SIPA1L3: variants seen among roughly 807,000 people sequenced by gnomAD.
The protein encoded by SIPA1L3 is signal induced proliferation associated 1 like 3.
In SIPA1L3, 59 loss-of-function variants were observed where a neutral mutation model predicts 150.1. The observed-to-expected ratio is 0.39, with a 90% confidence interval of 0.32 to 0.49. The LOEUF is 0.49. Among genes scored for constraint, SIPA1L3 ranks in the 20% least tolerant of loss-of-function variants. The pLI, the probability that SIPA1L3 is intolerant of heterozygous loss-of-function variation, is 0.86. For missense variants in SIPA1L3, 2,211 were observed against 2,489.5 expected, an observed-to-expected ratio of 0.89 and a Z score of 2.38; for synonymous variants, 1,070 against 1,077.6, an observed-to-expected ratio of 0.99 and a Z score of 0.14.
In SIPA1L3 at chr19:38,082,394, A is replaced by G. The variant is rs200141139; in HGVS notation, c.829A>G (p.Thr277Ala). The G allele has an allele frequency of 3.4e-5, 55 of 1,598,952 alleles. No individual in the cohort carries two copies. The highest frequency in any genetic ancestry group is 4.6e-5 in the Non-Finnish European group (54 of 1,177,870). ...AKDSLLPLQP[T>A]KEKEKARKKP... ...GGACAGCCTCCTGCCACTGCAGCCC[A>G]CGAAGGAGAAGGAGAAGGCCCGGAA... is the stretch of plus-strand genomic sequence containing the variant. Residue 277 changes from threonine (T) to alanine (A), a missense_variant, in exon 3 of 22, where the codon ACG becomes GCG. By Grantham distance (58) the Thr-to-Ala change is moderately conservative (BLOSUM62 0). Transcript: ENST00000222345.
chr19:38,098,618 C>T (rs1269056234), intron 4 of SIPA1L3, among the ~76,000 whole-genome samples: 1 of 152,144 alleles, frequency 6.6e-6, no homozygotes, highest in Non-Finnish European at 1.5e-5. Flanking sequence ...TGGTCTCAAA[C>T]TCCTGACCTC....
intron 1 of SIPA1L3, among the ~76,000 whole-genome samples, chr19:37,991,581 C>A (rs1183538848): frequency 6.6e-6 from 1 of 152,244 alleles, no homozygotes; most frequent in Non-Finnish European, 1.5e-5. Context: ...TTATGTACCC[C>A]ACCTGCATGT....
chr19:38,188,757 C>G (rs1336076800), intron 16 of SIPA1L3, among the ~76,000 whole-genome samples: 4 of 151,656 alleles, frequency 2.6e-5, no homozygotes, highest in Non-Finnish European at 5.9e-5. Context: ...CCCGTCTCTA[C>G]TAAAAATTAA....
chr19:37,990,580 G>T (rs1967478728), intron 1 of SIPA1L3, among the ~76,000 whole-genome samples: 1 of 152,216 alleles, frequency 6.6e-6, no homozygotes, highest in South Asian at 2.1e-4. Flanking sequence ...TACAGCTCTT[G>T]CTCAGCTAGT....
intron 18 of SIPA1L3, among the ~76,000 whole-genome samples, chr19:38,195,932 G>T (rs554131756): frequency 2.2e-3 from 331 of 152,134 alleles, no homozygotes; most frequent in Non-Finnish European, 3.9e-3. Context: ...CAAAGACGGG[G>T]CCTGGGGTTT....
Position 38,152,840 on chromosome 19 carries a change from G to T in SIPA1L3, c.3534G>T (p.Arg1178Ser), listed in dbSNP as rs1971857427. ...GGCACGTTCTTCTCATCCCCTGCAG[G>T]TACACGGCTGCCCCACACCCCCTGC... ...TYVRYKPSPE[R>S]YTAAPHPLLS... The change falls in exon 13 of 22, where the codon AGG (arginine) becomes AGT (serine). Residue 1178 changes from arginine (R) to serine (S), a missense_variant and splice_region_variant. By Grantham distance (110) the Arg-to-Ser change is moderately radical (BLOSUM62 -1). Coordinates refer to ENST00000222345, the MANE Select transcript of SIPA1L3 (RefSeq NM_015073.3). 1.2e-6 allele frequency: 2 copies of T among 1,608,702 alleles called. No individual in the cohort carries two copies. Among genetic ancestry groups the T allele is most frequent in the South Asian group, 1.1e-5 (1 of 89,960 alleles).
intron 1 of SIPA1L3, among the ~76,000 whole-genome samples, chr19:37,916,355 C>T (rs1348466015): frequency 1.3e-5 from 2 of 151,828 alleles, no homozygotes; most frequent in African/African-American, 2.4e-5. Flanking sequence ...TTTAAATTAG[C>T]CAGGCTTGGT....
At position 38,082,564 on chromosome 19, in the gene SIPA1L3, G is replaced by T; in HGVS notation, c.999G>T (p.Pro333=). 1 of 1,604,020 alleles carries T rather than the reference G, an allele frequency of 6.2e-7. No homozygotes were observed. Among genetic ancestry groups the T allele is most frequent in the Non-Finnish European group, 8.5e-7 (1 of 1,178,582 alleles). ...EGRSPPEASR[P]WVCQKSFAHF... is the part of the protein sequence containing the mutation. ...GGAGCCCCCCGGAAGCCAGCAGGCCGTGGGTGTGTCAGAAGAGCTTCGCCC... is the reference window on the plus strand; with the variant it reads ...GGAGCCCCCCGGAAGCCAGCAGGCCTTGGGTGTGTCAGAAGAGCTTCGCCC... Residue 333 remains proline, a synonymous_variant, in exon 3 of 22, where the codon CCG becomes CCT. Coordinates refer to ENST00000222345, the MANE Select transcript of SIPA1L3 (RefSeq NM_015073.3).
At chr19:37,999,312 G>T (rs1312791454) in intron 1 of SIPA1L3, among the ~76,000 whole-genome samples, 1 of 152,168 alleles carries the variant, frequency 6.6e-6, no homozygotes, top group Admixed American at 6.5e-5. Flanking sequence ...CCATGGGGTG[G>T]AGGGAGCCAC....
At chr19:38,133,096 AGCTT>A (rs932444661) in intron 10 of SIPA1L3, among the ~76,000 whole-genome samples, 1 of 152,216 alleles carries the variant, frequency 6.6e-6, no homozygotes, top group Non-Finnish European at 1.5e-5. Flanking sequence ...CAAAGATGGA[AGCTT>A]GCTTAGGCCC....
chr19:38,170,771 G>A (rs1035814777), intron 15 of SIPA1L3, among the ~76,000 whole-genome samples: 13 of 152,132 alleles, frequency 8.5e-5, no homozygotes, highest in African/African-American at 2.9e-4. Flanking sequence ...GCTGGAGGAG[G>A]TGTCTAATCT....
At chr19:38,138,903 A>AAAAAAAAAAAAC in intron 10 of SIPA1L3, among the ~76,000 whole-genome samples, 1 of 146,200 alleles carries the variant, frequency 6.8e-6, no homozygotes, top group Non-Finnish European at 1.5e-5. Context: ...ATCTCAAAAA[A>AAAAAAAAAAAAC]AAAAAAAAAA....
chr19:38,187,356 G>A (rs1001563069), intron 16 of SIPA1L3, among the ~76,000 whole-genome samples: 3 of 151,946 alleles, frequency 2.0e-5, no homozygotes, highest in African/African-American at 7.3e-5. Flanking sequence ...GGAGGCTGAG[G>A]CAGGAGAATC....
At chr19:37,942,561 G>A (rs1331018735) in intron 1 of SIPA1L3, among the ~76,000 whole-genome samples, 2 of 149,226 alleles carry the variant, frequency 1.3e-5, no homozygotes, top group East Asian at 4.0e-4. Context: ...CGGGGGTGGC[G>A]GGGGAGCCTG....
chr19:38,117,704 C>A (rs2145891257), intron 8 of SIPA1L3, among the ~76,000 whole-genome samples: 1 of 152,160 alleles, frequency 6.6e-6, no homozygotes, highest in Middle Eastern at 3.4e-3. Flanking sequence ...CACCAGCTTT[C>A]TCCACAAGTT....
chr19:38,186,377 A>G (rs1295685550), intron 16 of SIPA1L3: 1 of 151,872 alleles, frequency 6.6e-6, no homozygotes, highest in African/African-American at 2.4e-5. Context: ...CAGTGGCGTG[A>G]TCTCGGCTCA....
At chr19:38,144,437 C>T (rs535105312) in intron 12 of SIPA1L3, among the ~76,000 whole-genome samples, 1 of 152,338 alleles carries the variant, frequency 6.6e-6, no homozygotes, top group South Asian at 2.1e-4. Context: ...GCCACCAAAC[C>T]AGTGGTTCTC....
intron 2 of SIPA1L3, among the ~76,000 whole-genome samples, chr19:38,044,435 G>A (rs937905263): frequency 6.6e-6 from 1 of 152,164 alleles, no homozygotes; most frequent in Non-Finnish European, 1.5e-5. Flanking sequence ...AGCGAAGGAG[G>A]CTGGGGAGGG....
chr19:38,015,428 G>A (rs1445152574), intron 1 of SIPA1L3, among the ~76,000 whole-genome samples: 3 of 152,012 alleles, frequency 2.0e-5, no homozygotes, highest in Non-Finnish European at 1.5e-5. Flanking sequence ...AGTGTGGCAA[G>A]TAAAAAAGAA....
Sources: allele counts gnomAD v4.1 joint callset (sites outside exome capture counted in the v4.1 genomes callset), GRCh38; gene constraint gnomAD v4.1.1; transcripts MANE v1.5; gene names NCBI Gene and HGNC (gene_info 2026-07-23, HGNC 2026-07-21).